MAPRE2: variants seen among roughly 807,000 people sequenced by gnomAD.
The protein encoded by MAPRE2 is microtubule-associated protein RP/EB family member 2.
MAPRE2 carries 13 observed loss-of-function variants against 43.2 expected under a neutral mutation model. The observed-to-expected ratio is 0.30, with a 90% CI of 0.20 to 0.48. The LOEUF (loss-of-function observed/expected upper bound fraction) is 0.48, where lower values mean the gene tolerates loss of function less well. Ranked by LOEUF, MAPRE2 falls within the 20% of genes least tolerant of loss-of-function variation. The probability of loss-of-function intolerance (pLI) is 0.99; values close to 1 mark genes in which losing one functional copy is unlikely to be tolerated. For synonymous variants in MAPRE2, 135 were observed against 148.8 expected (o/e 0.91, Z 0.68); for missense variants, 161 against 400.2 (o/e 0.40, Z 5.10).
intron 1 of MAPRE2, among the ~76,000 whole-genome samples, chr18:35,003,528 T>C (rs1031600935): frequency 1.3e-5 from 2 of 151,104 alleles, no homozygotes; most frequent in African/African-American, 4.9e-5. Flanking sequence ...GTCATTCTTC[T>C]CCAAACTGAT....
chr18:35,028,636 A>T (rs757929234), intron 2 of MAPRE2, among the ~76,000 whole-genome samples: 9 of 152,182 alleles, frequency 5.9e-5, no homozygotes. Context: ...TGGAGGATGG[A>T]ATAATTATAT....
chr18:35,043,875 T>C (rs1275832363), intron 1 of MAPRE2, among the ~76,000 whole-genome samples: 1 of 152,210 alleles, frequency 6.6e-6, no homozygotes, highest in Non-Finnish European at 1.5e-5. Context: ...ACTTATTTTT[T>C]TGGAGGGGCA....
intron 6 of MAPRE2, among the ~76,000 whole-genome samples, chr18:35,134,671 G>A (rs749806450): frequency 2.0e-5 from 3 of 152,218 alleles, no homozygotes; most frequent in Admixed American, 6.5e-5. Context: ...AACACGCCCT[G>A]TGTGTGAAGA....
rs1399225496 is a variant in MAPRE2 at position 35,141,880 on chromosome 18, A to G, written c.*1511A>G. The stretch of plus-strand genomic sequence containing the variant: ...CCTGAAGCTTTGAAATTTCTTTATT[A>G]ATCGATGAAATATGAATTCTAAATT... On this transcript the variant is annotated 3_prime_UTR_variant, in exon 7 of 7. Coordinates refer to ENST00000300249, the MANE Select transcript of MAPRE2 (RefSeq NM_014268.4). 6.6e-6 allele frequency: 1 copy of G among 152,248 alleles called. No homozygotes were observed. Among genetic ancestry groups the G allele is most frequent in the Non-Finnish European group, 1.5e-5 (1 of 68,042 alleles). 9.4% of individuals were successfully genotyped at this position (152,248 alleles called of 1,614,324 possible).
chr18:35,053,723 G>A (rs1054786321), intron 1 of MAPRE2, among the ~76,000 whole-genome samples: 2 of 152,170 alleles, frequency 1.3e-5, no homozygotes, highest in Admixed American at 1.3e-4. Context: ...CTCACAAGTG[G>A]CAGCTAAATG....
chr18:34,998,213 C>T (rs1206535386), intron 1 of MAPRE2, among the ~76,000 whole-genome samples: 1 of 152,152 alleles, frequency 6.6e-6, no homozygotes, highest in Non-Finnish European at 1.5e-5. Context: ...GTTATGTCAG[C>T]ATCCTGGGGT....
intron 1 of MAPRE2, among the ~76,000 whole-genome samples, chr18:34,998,294 C>G (rs1247770089): frequency 6.6e-6 from 1 of 151,514 alleles, no homozygotes; most frequent in Non-Finnish European, 1.5e-5. Flanking sequence ...CTCTACAAGT[C>G]CCATTCACTT....
intron 1 of MAPRE2, among the ~76,000 whole-genome samples, chr18:35,002,452 A>G (rs944149378): frequency 1.3e-5 from 2 of 152,188 alleles, no homozygotes; most frequent in African/African-American, 4.8e-5. Flanking sequence ...GCTGGGTGAT[A>G]TGGTAGTTGC....
In MAPRE2 at chr18:35,016,419, C is replaced by T. The variant is rs111639889; in HGVS notation, c.-8+10866C>T. ...ACAGTGGCTGAACTAATTTACATTC[C>T]CACCAACTATGTATAAGCATTCCCT... On this transcript the variant is annotated intron_variant, in intron 2 of 7. Transcript: ENST00000413393. Among the ~76,000 whole-genome samples the T allele has an allele frequency of 2.0e-5, 3 of 151,952 alleles. No individual in the cohort carries two copies. In the East Asian group the frequency reaches 5.8e-4, roughly 29 times the overall value.
At chr18:35,053,067 T>C (rs1212620761) in intron 1 of MAPRE2, among the ~76,000 whole-genome samples, 1 of 147,070 alleles carries the variant, frequency 6.8e-6, no homozygotes, top group African/African-American at 2.5e-5. Flanking sequence ...AGCAATTAGT[T>C]ACATGGTCCA....
At chr18:35,020,450 T>C (rs1246076878) in intron 2 of MAPRE2, among the ~76,000 whole-genome samples, 1 of 152,072 alleles carries the variant, frequency 6.6e-6, no homozygotes, top group African/African-American at 2.4e-5. Context: ...TGTCAGGTAA[T>C]GCCATTCATG....
At chr18:34,991,945 G>T (rs759086927) in intron 1 of MAPRE2, among the ~76,000 whole-genome samples, 1 of 152,140 alleles carries the variant, frequency 6.6e-6, no homozygotes. Flanking sequence ...TTCTTGTGAG[G>T]CCTAGTGGTG....
chr18:35,056,613 A>G lies in MAPRE2; in HGVS notation c.123-13582A>G, dbSNP rs111844982. Among the ~76,000 whole-genome samples the G allele has an allele frequency of 6.8e-4, 103 of 151,434 alleles. 2 individuals carry two copies. Among genetic ancestry groups the G allele is most frequent in the African/African-American group, 1.8e-3 (73 of 40,704 alleles). ...TGGCTCAAATACTGGGTAACTTTTA[A>G]CACATGTATCTACTCTAGAACTACT... On this transcript the variant is annotated intron_variant, in intron 1 of 6. Coordinates refer to ENST00000300249, the MANE Select transcript of MAPRE2 (RefSeq NM_014268.4).
At chr18:35,118,470 T>TG (rs143438602) in intron 4 of MAPRE2, among the ~76,000 whole-genome samples, 1 of 152,352 alleles carries the variant, frequency 6.6e-6, no homozygotes, top group African/African-American at 2.4e-5. Context: ...ATTTGGCGAC[T>TG]GTTCTGTAGG....
intron 4 of MAPRE2, among the ~76,000 whole-genome samples, chr18:35,104,281 A>G (rs755263790): frequency 2.0e-5 from 3 of 152,218 alleles, no homozygotes; most frequent in Non-Finnish European, 2.9e-5. Context: ...GATTGCAGCA[A>G]TTTAACAAGG....
intron 2 of MAPRE2, among the ~76,000 whole-genome samples, chr18:35,077,238 CGT>C (rs1417976117): frequency 0.035 from 4,337 of 123,826 alleles, 188 homozygotes; most frequent in African/African-American, 0.12. Context: ...GATACGCGCG[CGT>C]GCGCGCGCGC....
intron 1 of MAPRE2, among the ~76,000 whole-genome samples, chr18:34,986,628 T>C (rs1453282496): frequency 6.6e-6 from 1 of 152,172 alleles, no homozygotes; most frequent in South Asian, 2.1e-4. Context: ...TAACCAAGTG[T>C]GTGATGTAGT....
chr18:35,067,576 T>A lies in MAPRE2; in HGVS notation c.123-2619T>A, dbSNP rs191494843. Among the ~76,000 whole-genome samples, 372 of 152,334 alleles carry A rather than the reference T, an allele frequency of 2.4e-3. 1 individual carries two copies. The highest frequency in any genetic ancestry group is 3.8e-3 in the Non-Finnish European group (259 of 68,022). ...TTCTGCTTTGCATTTAGATTTTTTT[T>A]AAATCATCTTGATTAAAAATTTCAT... On this transcript the variant is annotated intron_variant, in intron 1 of 6. Coordinates refer to ENST00000300249, the MANE Select transcript of MAPRE2 (RefSeq NM_014268.4).
At chr18:35,098,015 G>A (rs991081875) in intron 3 of MAPRE2, among the ~76,000 whole-genome samples, 1 of 152,164 alleles carries the variant, frequency 6.6e-6, no homozygotes, top group African/African-American at 2.4e-5. Context: ...TTACCCATCT[G>A]TACAATGGGA....
Sources: gnomAD v4.1 joint callset for allele counts (sites outside exome capture counted in the v4.1 genomes callset) on GRCh38, gnomAD v4.1.1 for gene constraint, MANE v1.5 for transcripts, NCBI Gene and HGNC (gene_info 2026-07-23, HGNC 2026-07-21) for gene names.